The following TBXAS1 variants were observed in gnomAD, a reference collection of about 807,000 sequenced individuals.
The protein encoded by TBXAS1 is thromboxane A synthase 1, also known as thromboxane-A synthase.
Under a neutral mutation model 60.7 loss-of-function variants are expected in TBXAS1, and 48 were observed. The observed-to-expected ratio is 0.79, with a 90% CI of 0.63 to 1.01. TBXAS1 has a LOEUF of 1.01. Ranked by LOEUF, TBXAS1 falls within the 50% of genes least tolerant of loss-of-function variation. TBXAS1 has a pLI of 0.00. For missense variants in TBXAS1, 685 were observed against 686.3 expected, an observed-to-expected ratio of 1.00 and a Z score of 0.02; for synonymous variants, 287 against 269.7, an observed-to-expected ratio of 1.06 and a Z score of -0.63.
At chr7:139,944,422 G>A (rs902404565) in intron 5 of TBXAS1, among the ~76,000 whole-genome samples, 5 of 152,322 alleles carry the variant, frequency 3.3e-5, no homozygotes, top group South Asian at 2.1e-4. Flanking sequence ...GTTCTGTGCC[G>A]AGAGAGTGTT....
chr7:139,892,397 C>G (rs1409726404), intron 3 of TBXAS1, among the ~76,000 whole-genome samples: 4 of 152,226 alleles, frequency 2.6e-5, no homozygotes, highest in Middle Eastern at 3.4e-3. Flanking sequence ...TCGAGACCAG[C>G]CTGACCAACA....
At chr7:139,941,396 C>G (rs1346116182) in intron 5 of TBXAS1, among the ~76,000 whole-genome samples, 1 of 151,240 alleles carries the variant, frequency 6.6e-6, no homozygotes, top group Non-Finnish European at 1.5e-5. Context: ...AAATGAGCAT[C>G]ATATCATGAA....
Position 139,964,092 on chromosome 7 carries a change from AT to A in TBXAS1, c.1134+1869del, listed in dbSNP as rs529477334. ...CTTAGGTCGCTGCCCATTCTTTTTT[AT>A]TTTTTTTTTGAGATGAAGTTTCACT... is the stretch of plus-strand genomic sequence containing the variant. On this transcript the variant is annotated intron_variant, in intron 9 of 12. Coordinates refer to ENST00000448866, the MANE Select transcript of TBXAS1 (RefSeq NM_001061.7). 1.7e-4 allele frequency among the ~76,000 whole-genome samples: 25 copies of A among 148,920 alleles called. 1 individual carries two copies. Among genetic ancestry groups the A allele is most frequent in the Admixed American group, 1.3e-3 (20 of 14,944 alleles).
Position 139,957,895 on chromosome 7 carries a change from C to A in TBXAS1, c.819+131C>A, listed in dbSNP as rs955377668. Reference sequence around the variant, plus strand: ...CCGTCCTTCAGCAACCCACCACTTACAGCTTCCAGGGACAGTGGAGAGAAC... The same window carrying A: ...CCGTCCTTCAGCAACCCACCACTTAAAGCTTCCAGGGACAGTGGAGAGAAC... On this transcript the variant is annotated intron_variant, in intron 8 of 12. Coordinates refer to ENST00000448866, the MANE Select transcript of TBXAS1 (RefSeq NM_001061.7). 3.0e-6 allele frequency: 4 copies of A among 1,328,084 alleles called. No homozygotes were observed. The African/African-American group carries it at 5.8e-5, about 19-fold the overall frequency. The allele number at this position is 1,328,084 out of a possible 1,614,324, so 82.3% of individuals were successfully genotyped here. A position where few individuals can be genotyped will look rare whatever the true frequency, so the allele number is the denominator to read the frequency against.
At chr7:139,960,899 C>A (rs770946424) in intron 8 of TBXAS1, among the ~76,000 whole-genome samples, 3 of 152,146 alleles carry the variant, frequency 2.0e-5, no homozygotes, top group Non-Finnish European at 4.4e-5. Context: ...CTCCTTTTGC[C>A]ATTTTAGTCC....
intron 10 of TBXAS1, among the ~76,000 whole-genome samples, chr7:140,014,960 G>A (rs575278468): frequency 1.0e-3 from 158 of 151,682 alleles, no homozygotes; most frequent in African/African-American, 3.6e-3. Flanking sequence ...AAGAAGAGGA[G>A]GAGGAGGATG....
chr7:139,981,067 C>T (rs568365577), intron 9 of TBXAS1, among the ~76,000 whole-genome samples: 32 of 152,224 alleles, frequency 2.1e-4, no homozygotes, highest in African/African-American at 6.7e-4. Context: ...TGAAGATAGG[C>T]TGAAAGCACA....
chr7:139,991,220 A>G (rs746361818), intron 9 of TBXAS1, among the ~76,000 whole-genome samples: 24 of 152,150 alleles, frequency 1.6e-4, no homozygotes, highest in Non-Finnish European at 3.4e-4. Flanking sequence ...AAAGAACACA[A>G]ATGCTTTTTG....
chr7:139,781,837 CAAA>C (rs200999267), intron 2 of TBXAS1, among the ~76,000 whole-genome samples: 7 of 67,312 alleles, frequency 1.0e-4, no homozygotes, highest in South Asian at 7.8e-4. Context: ...AATTCCATCT[CAAA>C]AAAAAAAAAA....
intron 1 of TBXAS1, among the ~76,000 whole-genome samples, chr7:139,839,031 T>TTGCTC (rs1799253365): frequency 6.6e-6 from 1 of 152,220 alleles, no homozygotes; most frequent in African/African-American, 2.4e-5. Context: ...GAGGCAACCG[T>TTGCTC]AAGTCCTAGC....
rs1437219028 is a variant in TBXAS1 at position 139,852,245 on chromosome 7, A to C, written c.90-19990A>C. The stretch of plus-strand genomic sequence containing the variant: ...CAGTAGATAACTAATATAGGTGCTG[A>C]GATAGGAATGGCTGGGACCAGGCAG... On this transcript the variant is annotated intron_variant, in intron 1 of 12. Coordinates refer to ENST00000448866, the MANE Select transcript of TBXAS1 (RefSeq NM_001061.7). This position sits in a 1 kb window ranked among gnomAD's most constrained non-coding sequence, Gnocchi z 4.4. 1.3e-5 allele frequency among the ~76,000 whole-genome samples: 2 copies of C among 152,198 alleles called. No homozygotes were observed. The highest frequency in any genetic ancestry group is 4.8e-5 in the African/African-American group (2 of 41,444).
In TBXAS1 at chr7:140,002,790, T is replaced by C. The variant is rs1256515423; in HGVS notation, c.1135-4301T>C. Reference sequence around the variant, plus strand: ...CCCACCTCAGACCAACACTGGGGAGTAGGGCCCAAGCATCCATCTATACTA... The same window carrying C: ...CCCACCTCAGACCAACACTGGGGAGCAGGGCCCAAGCATCCATCTATACTA... On this transcript the variant is annotated intron_variant, in intron 9 of 12. Transcript: ENST00000448866. Among the ~76,000 whole-genome samples the C allele has an allele frequency of 2.6e-5, 4 of 151,594 alleles. No individual in the cohort carries two copies. The South Asian group carries it at 8.4e-4, about 32-fold the overall frequency.
rs149163036 is a variant in TBXAS1, at chr7:139,942,067, A to G, written c.450+5760A>G. Among the ~76,000 whole-genome samples the G allele has an allele frequency of 2.6e-3, 393 of 152,376 alleles. 1 individual carries two copies. Among genetic ancestry groups the G allele is most frequent in the African/African-American group, 9.1e-3 (379 of 41,600 alleles). ...AGACTCTTGTAAGATTGCATAAGTCAGCACAAAAGTGGCAGGTAACCTTCA... is the reference window on the plus strand; with the variant it reads ...AGACTCTTGTAAGATTGCATAAGTCGGCACAAAAGTGGCAGGTAACCTTCA... On this transcript the variant is annotated intron_variant, in intron 5 of 12. Coordinates refer to ENST00000448866, the MANE Select transcript of TBXAS1 (RefSeq NM_001061.7).
intron 4 of TBXAS1, among the ~76,000 whole-genome samples, chr7:139,929,656 C>T (rs143232858): frequency 6.6e-4 from 100 of 152,296 alleles, no homozygotes; most frequent in East Asian, 1.3e-3. Flanking sequence ...TTCATCATTC[C>T]GACTGCTCAG....
intron 9 of TBXAS1, among the ~76,000 whole-genome samples, chr7:140,003,168 C>T (rs1813808959): frequency 6.6e-6 from 1 of 151,414 alleles, no homozygotes; most frequent in Admixed American, 6.6e-5. Flanking sequence ...CATGCAGCCA[C>T]ATGGAGAACT....
chr7:139,822,358 C>T (rs1798322221), intron 4 of TBXAS1, among the ~76,000 whole-genome samples: 1 of 152,028 alleles, frequency 6.6e-6, no homozygotes, highest in African/African-American at 2.4e-5. Context: ...GGTGTTGGTT[C>T]CCCCACCCTC....
At chr7:139,859,663 G>T (rs1800831794) in intron 1 of TBXAS1, among the ~76,000 whole-genome samples, 2 of 152,038 alleles carry the variant, frequency 1.3e-5, no homozygotes, top group Non-Finnish European at 2.9e-5. Context: ...AATTATAAAG[G>T]GGCTATACAA....
chr7:139,816,425 C>T (rs888709091), intron 4 of TBXAS1, among the ~76,000 whole-genome samples: 7 of 152,162 alleles, frequency 4.6e-5, no homozygotes, highest in African/African-American at 1.7e-4. Flanking sequence ...TTCTTCAGAC[C>T]TCAGGTGTCC....
chr7:139,983,676 C>T (rs1812122176), intron 9 of TBXAS1, among the ~76,000 whole-genome samples: 2 of 152,188 alleles, frequency 1.3e-5, no homozygotes, highest in South Asian at 4.2e-4. Flanking sequence ...GGGATCTTGT[C>T]ATCATTCAGT....
Sources: allele counts gnomAD v4.1 joint callset (sites outside exome capture counted in the v4.1 genomes callset), GRCh38; gene constraint gnomAD v4.1.1; non-coding constraint Gnocchi (gnomAD v3.1); transcripts MANE v1.5; gene names NCBI Gene and HGNC (gene_info 2026-07-23, HGNC 2026-07-21).